Variants in PTPRT observed in about 807,000 individuals in gnomAD.
The protein encoded by PTPRT is protein tyrosine phosphatase receptor type T, also known as receptor-type tyrosine-protein phosphatase T.
PTPRT carries 56 observed loss-of-function variants against 176.8 expected under a neutral mutation model. The ratio of observed to expected loss-of-function variants is 0.32; its 90% CI spans 0.26 to 0.40. The LOEUF (loss-of-function observed/expected upper bound fraction) is 0.40, where lower values mean the gene tolerates loss of function less well. PTPRT is among the 10% of genes least tolerant of loss of function. The pLI, the probability that PTPRT is intolerant of heterozygous loss-of-function variation, is 1.00. For missense variants in PTPRT, 1,540 were observed against 1,908.2 expected (o/e 0.81, Z 3.60); for synonymous variants, 783 against 739.0 (o/e 1.06, Z -0.96).
intron 11 of PTPRT, among the ~76,000 whole-genome samples, chr20:42,329,482 C>A (rs891708847): frequency 7.3e-6 from 1 of 136,194 alleles, no homozygotes; most frequent in Admixed American, 7.1e-5. Context: ...GGCACACACA[C>A]ACACACACAC....
intron 16 of PTPRT, among the ~76,000 whole-genome samples, chr20:42,176,870 T>G (rs150151234): frequency 6.6e-6 from 1 of 152,228 alleles, no homozygotes; most frequent in African/African-American, 2.4e-5. Context: ...TTTGAAAGAG[T>G]TTGCCATTGT....
chr20:42,999,615 T>TTTTTTTG (rs1555815037), intron 1 of PTPRT, among the ~76,000 whole-genome samples: 5 of 150,556 alleles, frequency 3.3e-5, no homozygotes, highest in African/African-American at 1.2e-4. Context: ...TGGTTTTTTT[T>TTTTTTTG]TTGTTGTTGT....
intron 1 of PTPRT, among the ~76,000 whole-genome samples, chr20:43,110,991 A>G (rs2012833825): frequency 6.6e-6 from 1 of 152,184 alleles, no homozygotes; most frequent in African/African-American, 2.4e-5. Flanking sequence ...ACAACAACAA[A>G]TCCATCCAAT....
At chr20:43,085,038 C>T (rs1600701197) in intron 1 of PTPRT, among the ~76,000 whole-genome samples, 2 of 152,180 alleles carry the variant, frequency 1.3e-5, no homozygotes, top group African/African-American at 2.4e-5. Flanking sequence ...CCAAAGCTTC[C>T]CTTCTGCTAA....
chr20:42,153,525 C>A (rs1447307019), intron 17 of PTPRT, among the ~76,000 whole-genome samples: 1 of 152,038 alleles, frequency 6.6e-6, no homozygotes, highest in Non-Finnish European at 1.5e-5. Flanking sequence ...CACAAAAAAC[C>A]CACCATGTGC....
intron 1 of PTPRT, among the ~76,000 whole-genome samples, chr20:42,894,221 TA>T (rs1349496143): frequency 6.6e-6 from 1 of 151,062 alleles, no homozygotes; most frequent in African/African-American, 2.4e-5. Flanking sequence ...GAAATGAGAG[TA>T]TTTGCGAGAG....
chr20:42,226,510 C>A (rs570125833), intron 15 of PTPRT, among the ~76,000 whole-genome samples: 2 of 152,288 alleles, frequency 1.3e-5, no homozygotes, highest in South Asian at 4.1e-4. Flanking sequence ...AAAATGCAAT[C>A]ATTAGCATCA....
At chr20:42,581,888 G>A (rs2073379330) in intron 7 of PTPRT, among the ~76,000 whole-genome samples, 1 of 152,176 alleles carries the variant, frequency 6.6e-6, no homozygotes, top group Admixed American at 6.5e-5. Flanking sequence ...GCATTACTGG[G>A]CAATTGACAG....
chr20:43,046,377 G>T (rs2146223091), intron 1 of PTPRT, among the ~76,000 whole-genome samples: 1 of 152,100 alleles, frequency 6.6e-6, no homozygotes, highest in Non-Finnish European at 1.5e-5. Context: ...GACCATCCTG[G>T]CTAACACCGT....
In PTPRT at chr20:42,768,109, G is replaced by T. The variant is rs1014377424; in HGVS notation, c.684+3326C>A. 4.0e-5 allele frequency among the ~76,000 whole-genome samples: 6 copies of T among 150,462 alleles called. No individual in the cohort carries two copies. In the South Asian group the frequency reaches 8.4e-4, roughly 21 times the overall value. On this transcript the variant is annotated intron_variant, in intron 5 of 30. Coordinates refer to ENST00000373187, the MANE Select transcript of PTPRT (RefSeq NM_007050.6). ...AGCCTGGATTTAACTAGCCACACAG[G>T]CATTTGTCAGATGGCACGATATAAA...
chr20:42,117,427 G>A (rs1987345420), intron 21 of PTPRT, among the ~76,000 whole-genome samples: 1 of 152,172 alleles, frequency 6.6e-6, no homozygotes, highest in African/African-American at 2.4e-5. Flanking sequence ...AACTAAGTAG[G>A]CAAAAGCAAG....
At chr20:42,338,768 G>A (rs1029590074) in intron 11 of PTPRT, among the ~76,000 whole-genome samples, 2 of 152,162 alleles carry the variant, frequency 1.3e-5, no homozygotes, top group Admixed American at 6.5e-5. Flanking sequence ...GTGCAAGGTA[G>A]TTCTCTTGGG....
At chr20:42,583,030 C>T (rs2073404535) in intron 7 of PTPRT, among the ~76,000 whole-genome samples, 1 of 152,194 alleles carries the variant, frequency 6.6e-6, no homozygotes, top group African/African-American at 2.4e-5. Flanking sequence ...CTCCAGGGCT[C>T]AGCACAGGGG....
intron 20 of PTPRT, 64 bp from the exon 21 acceptor site, chr20:42,118,564 GT>G: frequency 6.9e-7 from 1 of 1,447,112 alleles, no homozygotes; most frequent in Non-Finnish European, 9.5e-7. Flanking sequence ...GAGAAGGTTT[GT>G]CCCCCCGGTT....
intron 7 of PTPRT, among the ~76,000 whole-genome samples, chr20:42,582,933 C>T (rs1237111370): frequency 6.6e-6 from 1 of 152,094 alleles, no homozygotes; most frequent in Non-Finnish European, 1.5e-5. Flanking sequence ...TGCTTGTCCT[C>T]GGTCAGGCCA....
chr20:42,584,821 T>G (rs905351798), intron 7 of PTPRT, among the ~76,000 whole-genome samples: 1 of 152,222 alleles, frequency 6.6e-6, no homozygotes, highest in Non-Finnish European at 1.5e-5. Flanking sequence ...ATGAATGAAT[T>G]AATTAGCACA....
At chr20:42,511,046 T>G (rs2071945908) in intron 7 of PTPRT, among the ~76,000 whole-genome samples, 1 of 151,976 alleles carries the variant, frequency 6.6e-6, no homozygotes, top group Non-Finnish European at 1.5e-5. Flanking sequence ...ACTGATGACT[T>G]TGTAAAAAGA....
chr20:42,419,739 C>T (rs2059099953), intron 9 of PTPRT, among the ~76,000 whole-genome samples: 1 of 152,118 alleles, frequency 6.6e-6, no homozygotes, highest in Non-Finnish European at 1.5e-5. Flanking sequence ...ACCTGAAGAC[C>T]TTCTGTACCT....
At chr20:42,661,429 T>C (rs2075221152) in intron 7 of PTPRT, among the ~76,000 whole-genome samples, 2 of 152,218 alleles carry the variant, frequency 1.3e-5, no homozygotes, top group Non-Finnish European at 2.9e-5. Context: ...ATACATTTCC[T>C]ATTTTCAAAA....
Sources: gnomAD v4.1 joint callset for allele counts (sites outside exome capture counted in the v4.1 genomes callset) on GRCh38, gnomAD v4.1.1 for gene constraint, MANE v1.5 for transcripts, NCBI Gene and HGNC (gene_info 2026-07-23, HGNC 2026-07-21) for gene names.